TACC1: variants seen among roughly 807,000 people sequenced by gnomAD.
TACC1 encodes the protein transforming acidic coiled-coil-containing protein 1.
Under a neutral mutation model 84.4 loss-of-function variants are expected in TACC1, and 48 were observed. The observed-to-expected ratio is 0.57, with a 90% CI of 0.45 to 0.72. The LOEUF (loss-of-function observed/expected upper bound fraction) is 0.72, where lower values mean the gene tolerates loss of function less well. Ranked by LOEUF, TACC1 falls within the 30% of genes least tolerant of loss-of-function variation. The probability of loss-of-function intolerance (pLI) is 0.00; values close to 1 mark genes in which losing one functional copy is unlikely to be tolerated. For missense variants in TACC1, 920 were observed against 973.0 expected (o/e 0.95, Z 0.72); for synonymous variants, 372 against 376.3 (o/e 0.99, Z 0.13).
At chr8:38,786,827 TA>T (rs989536914), upstream of TACC1, among the ~76,000 whole-genome samples, 20 of 117,164 alleles carry the variant, frequency 1.7e-4, no homozygotes, top group South Asian at 5.7e-4. Flanking sequence ...CGAAGGTTTG[TA>T]TTTTTTTTTT....
At chr8:38,843,429 A>C in intron 11 of TACC1, 34 bp downstream of exon 11, 6 of 1,511,654 alleles carry the variant, frequency 4.0e-6, no homozygotes, top group Non-Finnish European at 5.4e-6. Context: ...TTCACTCTTC[A>C]TGATGTTGTG....
Position 38,831,930 on chromosome 8 carries a change from C to G in TACC1, c.1713+753C>G, listed in dbSNP as rs140194724. 1.8e-3 allele frequency among the ~76,000 whole-genome samples: 269 copies of G among 152,320 alleles called. 1 individual carries two copies. Among genetic ancestry groups the G allele is most frequent in the African/African-American group, 6.2e-3 (256 of 41,556 alleles). On this transcript the variant is annotated intron_variant, in intron 6 of 12. Transcript: ENST00000317827. The stretch of plus-strand genomic sequence containing the variant: ...CAAGCAGTTCTCCTCCCTCAGCCTC[C>G]TCAGTAGCTGGGATTACAGGCATGC...
In TACC1 at chr8:38,849,635, C is replaced by A. The variant is rs1832836528; in HGVS notation, c.*1612C>A. ...AGTGTATTACTCACATGGGTGCAAT[C>A]TTTAGCCCCAGGGAGGTCAATAATG... On this transcript the variant is annotated 3_prime_UTR_variant, in exon 13 of 13. Coordinates refer to ENST00000317827, the MANE Select transcript of TACC1 (RefSeq NM_006283.3). 1 of 152,390 alleles carries A rather than the reference C, an allele frequency of 6.6e-6. No individual in the cohort carries two copies. The highest frequency in any genetic ancestry group is 2.4e-5 in the African/African-American group (1 of 41,454). 9.4% of individuals were successfully genotyped at this position (152,390 alleles called of 1,614,324 possible). A position where few individuals can be genotyped will look rare whatever the true frequency, so the allele number is the denominator to read the frequency against.
At chr8:38,839,427 G>T in intron 8 of TACC1, 1 of 386,788 alleles carries the variant, frequency 2.6e-6, no homozygotes, top group South Asian at 1.3e-4. Flanking sequence ...ACACTTGAAT[G>T]ATTAAAAAAC....
chr8:38,783,344 C>CAGGT (rs1339860500), upstream of TACC1, among the ~76,000 whole-genome samples: 9 of 151,816 alleles, frequency 5.9e-5, no homozygotes, highest in Admixed American at 2.0e-4. Flanking sequence ...CAGCAGACCC[C>CAGGT]AGGTGGGGGG....
chr8:38,731,081 C>T (rs2151598336), intron 1 of TACC1, among the ~76,000 whole-genome samples: 1 of 152,250 alleles, frequency 6.6e-6, no homozygotes, highest in Non-Finnish European at 1.5e-5. Context: ...GCATGCACCA[C>T]TATGCCTGGC....
At chr8:38,827,039 C>G in intron 4 of TACC1, 129 bp from the exon 5 acceptor site, 1 of 719,870 alleles carries the variant, frequency 1.4e-6, no homozygotes, top group South Asian at 1.9e-5. Context: ...TTGCTTTGTA[C>G]CCAGGTCTGT....
At chr8:38,814,353 A>G (rs1454290677) in intron 2 of TACC1, among the ~76,000 whole-genome samples, 2 of 152,210 alleles carry the variant, frequency 1.3e-5, no homozygotes, top group East Asian at 3.8e-4. Context: ...CCATATAATG[A>G]TGTTTTGATC....
At chr8:38,776,632 G>A (rs1014114803) in intron 3 of TACC1, among the ~76,000 whole-genome samples, 1 of 152,178 alleles carries the variant, frequency 6.6e-6, no homozygotes, top group Non-Finnish European at 1.5e-5. Context: ...AGTTTTGACT[G>A]TGTTTTGACT....
At chr8:38,752,884 G>A (rs1431408974) in intron 3 of TACC1, among the ~76,000 whole-genome samples, 2 of 152,152 alleles carry the variant, frequency 1.3e-5, no homozygotes, top group Admixed American at 6.5e-5. Context: ...ACGATTCTGA[G>A]CCCCAGAATT....
rs781340079 is a variant in TACC1, at chr8:38,851,889, C to T, written c.*3866C>T. ...TCTAAGAAGTCATCTCCTTCAAATACTTTAATAAAGAAGTATTTCGAGGAG... is the reference window on the plus strand; with the variant it reads ...TCTAAGAAGTCATCTCCTTCAAATATTTTAATAAAGAAGTATTTCGAGGAG... On this transcript the variant is annotated 3_prime_UTR_variant, in exon 13 of 13. Coordinates refer to ENST00000317827, the MANE Select transcript of TACC1 (RefSeq NM_006283.3). 1 of 455,776 alleles carries T rather than the reference C, an allele frequency of 2.2e-6. No individual in the cohort carries two copies. The highest frequency in any genetic ancestry group is 1.5e-5 in the South Asian group (1 of 64,530). The allele number at this position is 455,776 out of a possible 1,614,324, so 28.2% of individuals were successfully genotyped here. A position where few individuals can be genotyped will look rare whatever the true frequency, so the allele number is the denominator to read the frequency against.
intron 2 of TACC1, among the ~76,000 whole-genome samples, chr8:38,814,351 TG>T (rs1824923618): frequency 6.6e-6 from 1 of 152,206 alleles, no homozygotes; most frequent in African/African-American, 2.4e-5. Flanking sequence ...CACCATATAA[TG>T]ATGTTTTGAT....
rs1808769471 is a variant in TACC1, at chr8:38,750,122, A to G, written c.26+4629A>G. Reference sequence around the variant, plus strand: ...CAGGAGTTCAAGGCTATAGTGCACTATCATTGCACCTGTGAATAGCCACTG... The same window carrying G: ...CAGGAGTTCAAGGCTATAGTGCACTGTCATTGCACCTGTGAATAGCCACTG... On this transcript the variant is annotated intron_variant, in intron 3 of 14. Transcript: ENST00000518415. Among the ~76,000 whole-genome samples the G allele has an allele frequency of 2.0e-5, 3 of 152,120 alleles. 1 individual carries two copies. The South Asian group carries it at 6.2e-4, about 32-fold the overall frequency.
chr8:38,845,347 C>T (rs1269306443), intron 11 of TACC1, among the ~76,000 whole-genome samples: 3 of 152,166 alleles, frequency 2.0e-5, no homozygotes, highest in Non-Finnish European at 4.4e-5. Context: ...TATTAGATTT[C>T]TTATGCATTC....
intron 3 of TACC1, chr8:38,757,162 C>G (rs1044557631): frequency 6.0e-6 from 5 of 830,516 alleles, no homozygotes; most frequent in Admixed American, 5.6e-5. Context: ...GCATCTGAAG[C>G]CACCTCCTTC....
intron 2 of TACC1, among the ~76,000 whole-genome samples, chr8:38,743,063 C>G (rs965874701): frequency 3.9e-5 from 6 of 152,196 alleles, no homozygotes; most frequent in Admixed American, 3.3e-4. Flanking sequence ...ACTACATGGC[C>G]TCTGAGGGCC....
chr8:38,769,068 G>T (rs1812873617), intron 3 of TACC1, among the ~76,000 whole-genome samples: 1 of 149,622 alleles, frequency 6.7e-6, no homozygotes, highest in African/African-American at 2.5e-5. Flanking sequence ...ACTGTTGTGG[G>T]GAGGTTTGTG....
At chr8:38,828,932 G>A (rs1828694104) in intron 5 of TACC1, among the ~76,000 whole-genome samples, 1 of 152,172 alleles carries the variant, frequency 6.6e-6, no homozygotes, top group African/African-American at 2.4e-5. Flanking sequence ...TGGTACAGAT[G>A]TGGTAAGTTG....
intron 3 of TACC1, chr8:38,757,437 C>A (rs1203622717): frequency 6.3e-5 from 74 of 1,170,746 alleles, no homozygotes; most frequent in Non-Finnish European, 7.6e-5. Flanking sequence ...CTCCAAGGGC[C>A]GCCTTTGGGG....
Sources: gnomAD v4.1 joint callset for allele counts (sites outside exome capture counted in the v4.1 genomes callset) on GRCh38, gnomAD v4.1.1 for gene constraint, MANE v1.5 for transcripts, NCBI Gene and HGNC (gene_info 2026-07-23, HGNC 2026-07-21) for gene names.